NALCN: variants seen among roughly 807,000 people sequenced by gnomAD.
The protein encoded by NALCN is sodium leak channel, non-selective, also known as sodium leak channel NALCN.
Under a neutral mutation model 225.3 loss-of-function variants are expected in NALCN, and 111 were observed. The ratio of observed to expected loss-of-function variants is 0.49; its 90% CI spans 0.42 to 0.58. The LOEUF (loss-of-function observed/expected upper bound fraction) is 0.58. NALCN is among the 20% of genes least tolerant of loss of function. NALCN has a pLI of 0.00. For synonymous variants in NALCN, 764 were observed against 769.0 expected (o/e 0.99, Z 0.11); for missense variants, 1,378 against 2,202.4 (o/e 0.63, Z 7.49).
At chr13:101,255,050 C>T (rs1374847593) in intron 11 of NALCN, among the ~76,000 whole-genome samples, 2 of 152,094 alleles carry the variant, frequency 1.3e-5, no homozygotes, top group Non-Finnish European at 2.9e-5. Flanking sequence ...CTCCCACACC[C>T]TTTCTTATTA....
At chr13:101,231,062 T>C (rs529788469) in intron 12 of NALCN, among the ~76,000 whole-genome samples, 1 of 152,286 alleles carries the variant, frequency 6.6e-6, no homozygotes, top group African/African-American at 2.4e-5. Context: ...GGCCATACCA[T>C]ATAGCCTAGG....
At chr13:101,140,316 T>C (rs17678057) in intron 17 of NALCN, among the ~76,000 whole-genome samples, 3,727 of 152,296 alleles carry the variant, frequency 0.024, 60 homozygotes, top group Middle Eastern at 0.078. Context: ...CACATGCCTC[T>C]CAAGACTCTT....
At chr13:101,120,158 C>T (rs992664382) in intron 18 of NALCN, among the ~76,000 whole-genome samples, 11 of 152,128 alleles carry the variant, frequency 7.2e-5, no homozygotes, top group Admixed American at 6.6e-5. Context: ...ATATAACATA[C>T]TTTCTGCTAG....
At chr13:101,143,351 A>C in intron 16 of NALCN, 130 bp from the exon 17 acceptor site, 1 of 877,760 alleles carries the variant, frequency 1.1e-6, no homozygotes, top group East Asian at 2.9e-5. Context: ...CTAGATCATG[A>C]CTAAAATATT....
chr13:101,063,438 G>T (rs1043776164), intron 40 of NALCN, among the ~76,000 whole-genome samples: 1 of 152,176 alleles, frequency 6.6e-6, no homozygotes, highest in Non-Finnish European at 1.5e-5. Flanking sequence ...CACAGATTTT[G>T]CCTGGGTCTA....
intron 37 of NALCN, 36 bp from the exon 38 acceptor site, chr13:101,068,863 G>A (rs770127215): frequency 6.5e-7 from 1 of 1,544,892 alleles, no homozygotes; most frequent in Non-Finnish European, 8.7e-7. Flanking sequence ...GAGAGGATAA[G>A]AGTAGAGAAT....
At chr13:101,101,034 G>A (rs1220683896) in intron 26 of NALCN, 146 bp from the exon 27 acceptor site, 9 of 571,486 alleles carry the variant, frequency 1.6e-5, no homozygotes, top group Non-Finnish European at 2.6e-5. Context: ...CTCCACCATA[G>A]GTCACACAAT....
chr13:101,088,569 C>T (rs1465917802), intron 30 of NALCN, among the ~76,000 whole-genome samples: 1 of 152,194 alleles, frequency 6.6e-6, no homozygotes, highest in Admixed American at 6.5e-5. Context: ...TTTTCTGCAA[C>T]CGTGCATTTG....
At chr13:101,391,512 G>T (rs796500524) in intron 3 of NALCN, among the ~76,000 whole-genome samples, 8 of 151,504 alleles carry the variant, frequency 5.3e-5, no homozygotes, top group African/African-American at 1.7e-4. Flanking sequence ...GCAAGACCCT[G>T]TCTCTAAAAA....
rs149436019 is a variant in NALCN, at chr13:101,246,925, T to C, written c.1267-9003A>G. Among the ~76,000 whole-genome samples the C allele has an allele frequency of 1.4e-4, 22 of 152,154 alleles. No individual in the cohort carries two copies. The East Asian group carries it at 3.1e-3, about 21-fold the overall frequency. On this transcript the variant is annotated intron_variant, in intron 11 of 43. Transcript: ENST00000251127. ...ACTCCCTGCAAGACGGCAAAATGAG[T>C]TCATGATTTATGAAACCCCTTCTGT...
intron 18 of NALCN, 28 bp downstream of exon 18, chr13:101,124,580 A>T: frequency 1.3e-6 from 2 of 1,581,714 alleles, no homozygotes. Context: ...CTTGTGTTTA[A>T]ATATGTGTCA....
At chr13:101,365,328 T>C (rs1356098475) in intron 6 of NALCN, among the ~76,000 whole-genome samples, 1 of 152,102 alleles carries the variant, frequency 6.6e-6, no homozygotes, top group Non-Finnish European at 1.5e-5. Context: ...TTAGTTTGCT[T>C]AGGATAACGG....
intron 3 of NALCN, among the ~76,000 whole-genome samples, chr13:101,393,864 T>C (rs1433909336): frequency 6.6e-6 from 1 of 152,068 alleles, no homozygotes; most frequent in African/African-American, 2.4e-5. Context: ...GAGTCTTGAG[T>C]TGAAGAAACC....
In NALCN at chr13:101,124,716, A is replaced by C. The variant is rs373760665; in HGVS notation, c.2119-35T>G. On this transcript the variant is annotated intron_variant, in intron 17 of 43. Coordinates refer to ENST00000251127, the MANE Select transcript of NALCN (RefSeq NM_052867.4). ...ATAAGAGTATGACTTTTAGTTTTGG[A>C]ATGTTAAGAAATAATATACTGTCAA... 3 of 1,527,304 alleles carry C rather than the reference A, an allele frequency of 2.0e-6. No individual in the cohort carries two copies. The African/African-American group carries it at 4.1e-5, about 21-fold the overall frequency. 94.6% of individuals were successfully genotyped at this position (1,527,304 alleles called of 1,614,324 possible). A position where few individuals can be genotyped will look rare whatever the true frequency, so the allele number is the denominator to read the frequency against.
chr13:101,070,235 T>G (rs910300286), intron 37 of NALCN, among the ~76,000 whole-genome samples: 19 of 152,094 alleles, frequency 1.2e-4, no homozygotes, highest in Non-Finnish European at 1.6e-4. Flanking sequence ...CCCGGCTAAT[T>G]TTTTGTATCT....
intron 7 of NALCN, among the ~76,000 whole-genome samples, chr13:101,296,061 G>C (rs9557606): frequency 0.061 from 9,237 of 152,136 alleles, 439 homozygotes; most frequent in East Asian, 0.25. Context: ...CAGACTCCTG[G>C]GCTGCCCAGC....
intron 10 of NALCN, among the ~76,000 whole-genome samples, chr13:101,259,385 G>A (rs2042342009): frequency 6.6e-6 from 1 of 151,896 alleles, no homozygotes; most frequent in South Asian, 2.1e-4. Flanking sequence ...CCAGGCTAGA[G>A]TGCAGTGGCG....
chr13:101,210,162 G>A (rs930335659), intron 13 of NALCN, among the ~76,000 whole-genome samples: 4 of 152,072 alleles, frequency 2.6e-5, no homozygotes, highest in African/African-American at 7.2e-5. Flanking sequence ...TTTGCTTAGA[G>A]GGGGTCCCTC....
At chr13:101,352,831 G>A (rs1238212652) in intron 6 of NALCN, among the ~76,000 whole-genome samples, 1 of 151,752 alleles carries the variant, frequency 6.6e-6, no homozygotes, top group South Asian at 2.1e-4. Flanking sequence ...ACCTTTTTTT[G>A]TTAAAAAGCT....
Sources: gnomAD v4.1 joint callset for allele counts (sites outside exome capture counted in the v4.1 genomes callset) on GRCh38, gnomAD v4.1.1 for gene constraint, MANE v1.5 for transcripts, NCBI Gene and HGNC (gene_info 2026-07-23, HGNC 2026-07-21) for gene names.